Variants in ZNF267 observed in about 807,000 individuals in gnomAD.
The protein encoded by ZNF267 is zinc finger protein 267.
Under a neutral mutation model 71.6 loss-of-function variants are expected in ZNF267, and 61 were observed. The observed-to-expected ratio is 0.85, with a 90% CI of 0.69 to 1.05. The LOEUF is 1.05. ZNF267 is among the 50% of genes least tolerant of loss of function. ZNF267 has a pLI of 0.00. For synonymous variants in ZNF267, 288 were observed against 293.2 expected (o/e 0.98, Z 0.18); for missense variants, 852 against 870.0 (o/e 0.98, Z 0.26).
In ZNF267 at chr16:31,915,257, C is replaced by T; in HGVS notation, c.1008C>T (p.His336=). The T allele has an allele frequency of 3.7e-6, 6 of 1,613,958 alleles. No individual in the cohort carries two copies. Among genetic ancestry groups the T allele is most frequent in the Non-Finnish European group, 5.1e-6 (6 of 1,179,948 alleles). The change falls in exon 4 of 4, where the codon CAC becomes CAT. Residue 336 remains histidine, a synonymous_variant. Coordinates refer to ENST00000300870, the MANE Select transcript of ZNF267 (RefSeq NM_003414.6). ...KCGDSLNHSL[H]LTQHQIIPTE... ...GGGATAGCTTAAACCATAGTTTGCA[C>T]CTTACTCAACATCAGATCATTCCTA...
At chr16:31,875,096 C>A (rs141050956) in intron 1 of ZNF267, 3 of 1,285,434 alleles carry the variant, frequency 2.3e-6, no homozygotes, top group East Asian at 1.1e-4. Flanking sequence ...CAGGCACAGA[C>A]ACGTTATCGG....
At chr16:31,894,225 T>C (rs2083980620) in intron 3 of ZNF267, among the ~76,000 whole-genome samples, 1 of 152,248 alleles carries the variant, frequency 6.6e-6, no homozygotes, top group Non-Finnish European at 1.5e-5. Flanking sequence ...CTTTTCTAGA[T>C]TTGAGGAAAA....
intron 1 of ZNF267, among the ~76,000 whole-genome samples, chr16:31,881,428 A>G (rs531340376): frequency 3.4e-4 from 51 of 152,234 alleles, no homozygotes; most frequent in African/African-American, 9.9e-4. Context: ...CGCTGCTGCC[A>G]TCTCTTCAGA....
At chr16:31,897,721 T>C (rs1405190947) in intron 3 of ZNF267, among the ~76,000 whole-genome samples, 2 of 152,168 alleles carry the variant, frequency 1.3e-5, no homozygotes, top group Admixed American at 1.3e-4. Flanking sequence ...GTCTTCAAAC[T>C]CTTAAACAAG....
At chr16:31,883,990 G>C (rs967105848) in intron 1 of ZNF267, among the ~76,000 whole-genome samples, 1 of 152,228 alleles carries the variant, frequency 6.6e-6, no homozygotes, top group Non-Finnish European at 1.5e-5. Context: ...AGTGAGCCAA[G>C]ATTCAACCAC....
At chr16:31,884,459 A>G (rs1380901433) in intron 1 of ZNF267, 39 bp from the exon 2 acceptor site, 3 of 1,613,326 alleles carry the variant, frequency 1.9e-6, no homozygotes, top group East Asian at 2.2e-5. Context: ...GAACTCTGCC[A>G]TGGCCACATG....
At chr16:31,894,174 T>A (rs1350801701) in intron 3 of ZNF267, among the ~76,000 whole-genome samples, 1 of 152,256 alleles carries the variant, frequency 6.6e-6, no homozygotes, top group African/African-American at 2.4e-5. Context: ...TATGGACATC[T>A]TCTTGCAATT....
At chr16:31,910,204 G>A (rs550161110) in intron 3 of ZNF267, among the ~76,000 whole-genome samples, 37 of 151,952 alleles carry the variant, frequency 2.4e-4, no homozygotes, top group Middle Eastern at 3.4e-3. Flanking sequence ...AGATATTGGC[G>A]TACAGTTTTC....
At chr16:31,884,451 A>G in intron 1 of ZNF267, 47 bp from the exon 2 acceptor site, 1 of 1,612,694 alleles carries the variant, frequency 6.2e-7, no homozygotes, top group Non-Finnish European at 8.5e-7. Flanking sequence ...CAAATGAAGA[A>G]CTCTGCCATG....
intron 3 of ZNF267, among the ~76,000 whole-genome samples, chr16:31,904,605 C>T (rs919333066): frequency 6.6e-6 from 1 of 152,180 alleles, no homozygotes; most frequent in Non-Finnish European, 1.5e-5. Context: ...ACTAGGATTG[C>T]AACCCTGCCT....
chr16:31,904,651 C>T (rs1240213889), intron 3 of ZNF267, among the ~76,000 whole-genome samples: 4 of 152,124 alleles, frequency 2.6e-5, no homozygotes, highest in East Asian at 1.9e-4. Flanking sequence ...GATCTTCCTC[C>T]GTCCCTTTAT....
intron 3 of ZNF267, among the ~76,000 whole-genome samples, chr16:31,891,485 T>C (rs2083960042): frequency 6.6e-6 from 1 of 152,230 alleles, no homozygotes; most frequent in Non-Finnish European, 1.5e-5. Flanking sequence ...TTTGGCTGTG[T>C]CCCCACCCAA....
intron 3 of ZNF267, among the ~76,000 whole-genome samples, chr16:31,904,604 G>A (rs973440787): frequency 6.6e-6 from 1 of 152,088 alleles, no homozygotes; most frequent in Non-Finnish European, 1.5e-5. Context: ...GACTAGGATT[G>A]CAACCCTGCC....
chr16:31,900,242 A>G (rs1390076110), intron 3 of ZNF267, among the ~76,000 whole-genome samples: 2 of 152,108 alleles, frequency 1.3e-5, no homozygotes, highest in South Asian at 2.1e-4. Context: ...AAAGTATTCT[A>G]TATACTATTA....
At chr16:31,893,797 A>AT (rs926180439) in intron 3 of ZNF267, among the ~76,000 whole-genome samples, 16 of 152,064 alleles carry the variant, frequency 1.1e-4, no homozygotes, top group African/African-American at 2.2e-4. Context: ...CCACAGATAG[A>AT]TTTTTTTCCC....
Position 31,915,657 on chromosome 16 carries a change from A to G in ZNF267, c.1408A>G (p.Ser470Gly), listed in dbSNP as rs774072165. 6.2e-7 allele frequency: 1 copy of G among 1,613,928 alleles called. No individual in the cohort carries two copies. Among genetic ancestry groups the G allele is most frequent in the South Asian group, 1.1e-5 (1 of 91,068 alleles). Residue 470 changes from serine to glycine, a missense_variant, in exon 4 of 4, where the codon AGC becomes GGC. By Grantham distance (56) the Ser-to-Gly change is moderately conservative (BLOSUM62 0). Coordinates refer to ENST00000300870, the MANE Select transcript of ZNF267 (RefSeq NM_003414.6). Reference sequence around the variant, plus strand: ...AAAACTTTACAAATGTAAAGTATGTAGCAAATCTTATGCTCGTTCTTCAAA... The same window carrying G: ...AAAACTTTACAAATGTAAAGTATGTGGCAAATCTTATGCTCGTTCTTCAAA... ...GEKLYKCKVC[S>G]KSYARSSNLI... is the part of the protein sequence containing the mutation.
chr16:31,886,526 T>C (rs972714814), intron 3 of ZNF267, among the ~76,000 whole-genome samples: 1 of 152,188 alleles, frequency 6.6e-6, no homozygotes, highest in African/African-American at 2.4e-5. Context: ...CCTGATGATC[T>C]GAGGTAAAAC....
Position 31,914,745 on chromosome 16 carries a change from A to G in ZNF267, c.496A>G (p.Arg166Gly). 1 of 1,614,148 alleles carries G rather than the reference A, an allele frequency of 6.2e-7. No homozygotes were observed. ...CAKSYNFDQY[R>G]KVFTHSSLLN... is the part of the protein sequence containing the mutation. ...CAAAAGCTATAACTTTGATCAATAT[A>G]GGAAGGTCTTTACTCATTCATCATT... The change falls in exon 4 of 4, where the codon AGG becomes GGG. Residue 166 changes from arginine (R) to glycine (G), a missense_variant. Physicochemically the swap from Arg to Gly is moderately radical, Grantham distance 125. Transcript: ENST00000300870.
At chr16:31,875,693 A>G (rs990853133) in intron 1 of ZNF267, among the ~76,000 whole-genome samples, 9 of 152,202 alleles carry the variant, frequency 5.9e-5, no homozygotes, top group African/African-American at 2.2e-4. Flanking sequence ...CTCAAATGAT[A>G]CCGTGACCTG....
Sources: gnomAD v4.1 joint callset for allele counts (sites outside exome capture counted in the v4.1 genomes callset) on GRCh38, gnomAD v4.1.1 for gene constraint, MANE v1.5 for transcripts, NCBI Gene and HGNC (gene_info 2026-07-23, HGNC 2026-07-21) for gene names.